Variants in NUP62 observed in about 807,000 individuals in gnomAD.
NUP62 encodes nuclear pore glycoprotein p62.
For missense variants in NUP62, 647 were observed against 689.4 expected, an observed-to-expected ratio of 0.94 and a Z score of 0.69; for synonymous variants, 305 against 303.4, an observed-to-expected ratio of 1.01 and a Z score of -0.05.
intron 2 of NUP62, among the ~76,000 whole-genome samples, chr19:49,927,221 G>A (rs1391683514): frequency 6.6e-6 from 1 of 152,026 alleles, no homozygotes; most frequent in East Asian, 1.9e-4. Flanking sequence ...ACAGGGAAGG[G>A]AAATGGCCAG....
intron 2 of NUP62, among the ~76,000 whole-genome samples, chr19:49,918,059 AGGGTCT>A (rs1481333397): frequency 1.3e-5 from 2 of 151,122 alleles, no homozygotes; most frequent in Admixed American, 1.3e-4. Context: ...AGCCATGGAG[AGGGTCT>A]GCTTTCCTTT....
At chr19:49,928,400 C>A (rs2075962389) in intron 1 of NUP62, 1 of 152,014 alleles carries the variant, frequency 6.6e-6, no homozygotes, top group Non-Finnish European at 1.5e-5. Context: ...GCCTGTAGTC[C>A]CAGCTACTCG....
chr19:49,918,357 G>A (rs767454402), intron 2 of NUP62, among the ~76,000 whole-genome samples: 6 of 152,044 alleles, frequency 3.9e-5, no homozygotes, highest in Non-Finnish European at 5.9e-5. Context: ...GAGCCACCAC[G>A]TCCAGCGAGG....
intron 2 of NUP62, among the ~76,000 whole-genome samples, chr19:49,926,506 G>A (rs997563491): frequency 6.6e-6 from 1 of 151,770 alleles, no homozygotes; most frequent in African/African-American, 2.4e-5. Context: ...CTCCAGCCTG[G>A]GCGACACAGC....
At chr19:49,916,175 A>G (rs754718348) in intron 2 of NUP62, among the ~76,000 whole-genome samples, 1 of 152,224 alleles carries the variant, frequency 6.6e-6, no homozygotes, top group Non-Finnish European at 1.5e-5. Context: ...TTCCAGGGCC[A>G]AGTCTTGACA....
chr19:49,915,051 T>C (rs543397289), intron 2 of NUP62, among the ~76,000 whole-genome samples: 7 of 152,024 alleles, frequency 4.6e-5, no homozygotes, highest in Admixed American at 2.6e-4. Flanking sequence ...CCAACCCCTT[T>C]CCTTAGATGC....
chr19:49,912,645 C>T (rs2075502461), intron 2 of NUP62, among the ~76,000 whole-genome samples: 1 of 152,132 alleles, frequency 6.6e-6, no homozygotes, highest in African/African-American at 2.4e-5. Flanking sequence ...GGGGGGATCG[C>T]TTGAGCCCAG....
chr19:49,912,640 G>C (rs1392922773), intron 2 of NUP62, among the ~76,000 whole-genome samples: 9 of 152,152 alleles, frequency 5.9e-5, no homozygotes, highest in Non-Finnish European at 1.3e-4. Flanking sequence ...GAGGTGGGGG[G>C]ATCGCTTGAG....
At chr19:49,912,316 A>G (rs931921822) in intron 2 of NUP62, among the ~76,000 whole-genome samples, 4 of 151,974 alleles carry the variant, frequency 2.6e-5, no homozygotes, top group Admixed American at 2.6e-4. Context: ...TTACAGGCGC[A>G]TGCCACCACG....
chr19:49,911,909 T>C (rs1168321755), intron 2 of NUP62, among the ~76,000 whole-genome samples: 1 of 152,124 alleles, frequency 6.6e-6, no homozygotes, highest in Non-Finnish European at 1.5e-5. Context: ...CATCCATTCC[T>C]CCCGTTGTGG....
chr19:49,909,229 G>A lies in NUP62; in HGVS notation c.579C>T (p.Ala193=). The change falls in exon 3 of 3, where the codon GCC becomes GCT. Residue 193 remains alanine, a synonymous_variant. Coordinates refer to ENST00000352066, the MANE Select transcript of NUP62 (RefSeq NM_016553.5). ...CACCTGCTGTGGTGGCTGCTGGCGT[G>A]GCCGGAGTGAAGGGCAACGTGGCAG... is the stretch of plus-strand genomic sequence containing the variant. The part of the protein sequence containing the change: ...TAPATLPFTP[A]TPAATTAGAT... 2 of 1,614,146 alleles carry A rather than the reference G, an allele frequency of 1.2e-6. No homozygotes were observed. Among genetic ancestry groups the A allele is most frequent in the Non-Finnish European group, 1.7e-6 (2 of 1,180,028 alleles).
At chr19:49,929,172 T>C (rs772636098) in intron 1 of NUP62, 154 bp downstream of exon 1, 1 of 144,906 alleles carries the variant, frequency 6.9e-6, no homozygotes, top group African/African-American at 2.5e-5. Flanking sequence ...CGCCACCCAG[T>C]ATATATCTGT....
At chr19:49,909,968 G>A in intron 2 of NUP62, 84 bp from the exon 3 acceptor site, 1 of 752,848 alleles carries the variant, frequency 1.3e-6, no homozygotes, top group Non-Finnish European at 2.4e-6. Context: ...CGGTTTGGAG[G>A]GTGGTGGGAT....
intron 2 of NUP62, chr19:49,913,152 G>C (rs779349754): frequency 2.6e-5 from 4 of 152,434 alleles, no homozygotes; most frequent in Non-Finnish European, 5.9e-5. Flanking sequence ...CCACGCGGGA[G>C]GAAAGGCCTG....
At chr19:49,919,467 G>A (rs1009094944) in intron 2 of NUP62, among the ~76,000 whole-genome samples, 1 of 152,154 alleles carries the variant, frequency 6.6e-6, no homozygotes, top group Non-Finnish European at 1.5e-5. Context: ...TGAGGAAACC[G>A]AGGCCCTCAG....
intron 2 of NUP62, among the ~76,000 whole-genome samples, chr19:49,911,718 T>C (rs768101580): frequency 2.0e-5 from 3 of 152,230 alleles, no homozygotes; most frequent in Non-Finnish European, 2.9e-5. Context: ...CCATCACTAC[T>C]GACTGGGAGC....
At chr19:49,913,744 T>C (rs1284399046) in intron 2 of NUP62, among the ~76,000 whole-genome samples, 1 of 150,824 alleles carries the variant, frequency 6.6e-6, no homozygotes, top group African/African-American at 2.4e-5. Context: ...TGCTGAGCTC[T>C]GTGAGTCTTA....
Position 49,921,499 on chromosome 19 carries a change from GAC to G in NUP62, c.-78+6193_-78+6194del, listed in dbSNP as rs780904212. ...GGATGATCCGCCCGCCCCAGCTGCAGACGATGGCCTGAGACGCCTGCAGGGAA... is the reference window on the plus strand; with the variant it reads ...GGATGATCCGCCCGCCCCAGCTGCAGGATGGCCTGAGACGCCTGCAGGGAA... On this transcript the variant is annotated intron_variant, in intron 2 of 2. Transcript: ENST00000352066. This position sits in a 1 kb window ranked among gnomAD's most constrained non-coding sequence, Gnocchi z 5.4. Among the ~76,000 whole-genome samples, 72 of 152,328 alleles carry G rather than the reference GAC, an allele frequency of 4.7e-4. No individual in the cohort carries two copies. The highest frequency in any genetic ancestry group is 1.5e-3 in the Admixed American group (23 of 15,304).
At chr19:49,915,460 C>T (rs1871859467) in intron 2 of NUP62, among the ~76,000 whole-genome samples, 1 of 152,204 alleles carries the variant, frequency 6.6e-6, no homozygotes, top group South Asian at 2.1e-4. Context: ...GACATAGCCT[C>T]TCCCCTAGAG....
Sources: gnomAD v4.1 joint callset for allele counts (sites outside exome capture counted in the v4.1 genomes callset) on GRCh38, gnomAD v4.1.1 for gene constraint, Gnocchi (gnomAD v3.1) non-coding constraint, MANE v1.5 for transcripts, NCBI Gene and HGNC (gene_info 2026-07-23, HGNC 2026-07-21) for gene names.